Variants in LRRTM4 observed in about 807,000 individuals in gnomAD.
LRRTM4 encodes the protein leucine rich repeat transmembrane neuronal 4.
LRRTM4 carries 25 observed loss-of-function variants against 47.6 expected under a neutral mutation model. That is an observed-to-expected ratio of 0.53 (90% CI 0.38 to 0.73). The LOEUF is 0.73. Ranked by LOEUF, LRRTM4 falls within the 30% of genes least tolerant of loss-of-function variation. The probability of loss-of-function intolerance (pLI) is 0.00; values close to 1 mark genes in which losing one functional copy is unlikely to be tolerated. For synonymous variants in LRRTM4, 311 were observed against 269.5 expected, an observed-to-expected ratio of 1.15 and a Z score of -1.51; for missense variants, 638 against 713.4, an observed-to-expected ratio of 0.89 and a Z score of 1.20.
intron 3 of LRRTM4, among the ~76,000 whole-genome samples, chr2:76,831,331 G>T (rs1193247680): frequency 6.6e-6 from 1 of 152,166 alleles, no homozygotes; most frequent in African/African-American, 2.4e-5. Flanking sequence ...TCATTGGTGT[G>T]TGTGCGTGTG....
At chr2:77,340,743 T>A (rs577061596) in intron 3 of LRRTM4, among the ~76,000 whole-genome samples, 1 of 151,950 alleles carries the variant, frequency 6.6e-6, no homozygotes, top group African/African-American at 2.4e-5. Flanking sequence ...TTGGCCTCCA[T>A]AACTCATGAT....
At chr2:77,007,414 G>T (rs1341568248) in intron 3 of LRRTM4, among the ~76,000 whole-genome samples, 2 of 152,116 alleles carry the variant, frequency 1.3e-5, no homozygotes, top group Non-Finnish European at 2.9e-5. Context: ...TGTAAAATTT[G>T]CTGAGATATA....
intron 3 of LRRTM4, among the ~76,000 whole-genome samples, chr2:77,133,339 CT>C (rs1267158497): frequency 6.6e-6 from 1 of 151,934 alleles, no homozygotes. Flanking sequence ...TTTATTCACT[CT>C]TTTTTTTCCT....
chr2:77,314,574 T>G (rs1243890058), intron 3 of LRRTM4, among the ~76,000 whole-genome samples: 3 of 152,184 alleles, frequency 2.0e-5, no homozygotes, highest in Admixed American at 6.5e-5. Flanking sequence ...TCGGCAGGAT[T>G]ATTTCACTAG....
intron 3 of LRRTM4, among the ~76,000 whole-genome samples, chr2:77,433,986 A>G (rs1675488276): frequency 6.6e-6 from 1 of 152,228 alleles, no homozygotes; most frequent in Admixed American, 6.5e-5. Context: ...ATTTGAGAGC[A>G]GAGGATATCT....
chr2:77,123,099 A>C (rs1421530019), intron 3 of LRRTM4, among the ~76,000 whole-genome samples: 1 of 151,922 alleles, frequency 6.6e-6, no homozygotes, highest in Admixed American at 6.6e-5. Flanking sequence ...TGCCTAAATT[A>C]ATTTCCATAG....
At chr2:76,903,534 T>TCAAAA (rs147085407) in intron 3 of LRRTM4, among the ~76,000 whole-genome samples, 54 of 151,838 alleles carry the variant, frequency 3.6e-4, no homozygotes, top group African/African-American at 1.2e-3. Context: ...AGATTCTGTC[T>TCAAAA]CAAAACAAAA....
intron 3 of LRRTM4, among the ~76,000 whole-genome samples, chr2:76,896,202 G>GCACACACACAAACACA (rs1221433253): frequency 6.6e-6 from 1 of 151,410 alleles, no homozygotes; most frequent in Admixed American, 6.6e-5. Context: ...CATCTCCTAT[G>GCACACACACAAACACA]CACACACACA....
intron 3 of LRRTM4, among the ~76,000 whole-genome samples, chr2:77,192,053 G>T (rs576754129): frequency 6.6e-6 from 1 of 152,132 alleles, no homozygotes; most frequent in South Asian, 2.1e-4. Flanking sequence ...ATATATGTAT[G>T]TAAAGCTACA....
chr2:76,874,267 T>G (rs980777370), intron 3 of LRRTM4, among the ~76,000 whole-genome samples: 10 of 152,010 alleles, frequency 6.6e-5, no homozygotes, highest in African/African-American at 2.4e-4. Flanking sequence ...CATAGTCTTG[T>G]GAAACTTTAC....
intron 3 of LRRTM4, chr2:77,517,616 AAAAC>A (rs962330066): frequency 1.4e-4 from 140 of 985,008 alleles, no homozygotes; most frequent in Admixed American, 2.5e-4. Flanking sequence ...CAGTAATTAA[AAAAC>A]AAACAAACAA....
chr2:77,066,079 CTT>C (rs1236253134), intron 3 of LRRTM4, among the ~76,000 whole-genome samples: 12 of 152,090 alleles, frequency 7.9e-5, no homozygotes, highest in Non-Finnish European at 1.8e-4. Context: ...TGTACTATAA[CTT>C]TTTCTATGGA....
chr2:77,224,648 A>G (rs1021698069), intron 3 of LRRTM4, among the ~76,000 whole-genome samples: 40 of 152,226 alleles, frequency 2.6e-4, no homozygotes, highest in Admixed American at 2.6e-3. Flanking sequence ...AATGCAAATC[A>G]AAACCACAAT....
chr2:77,267,683 A>G (rs976851385), intron 3 of LRRTM4, among the ~76,000 whole-genome samples: 5 of 119,328 alleles, frequency 4.2e-5, no homozygotes, highest in African/African-American at 1.7e-4. Flanking sequence ...TCCTATTTCA[A>G]ACTGTTCTTC....
In LRRTM4 at chr2:77,412,653, G is replaced by C. The variant is rs145094183; in HGVS notation, c.1551+105665C>G. On this transcript the variant is annotated intron_variant, in intron 3 of 3. Coordinates refer to ENST00000409884, the MANE Select transcript of LRRTM4 (RefSeq NM_001134745.3). ...TCTGTAAGTGTAACCCTGGCCACAA[G>C]AGTATTAAGAGGGAAAGTGTGTACA... Among the ~76,000 whole-genome samples, 314 of 152,272 alleles carry C rather than the reference G, an allele frequency of 2.1e-3. 1 individual carries two copies. The highest frequency in any genetic ancestry group is 7.3e-3 in the African/African-American group (302 of 41,548).
At chr2:77,468,154 C>G (rs915493046) in intron 3 of LRRTM4, among the ~76,000 whole-genome samples, 2 of 151,822 alleles carry the variant, frequency 1.3e-5, no homozygotes, top group African/African-American at 4.8e-5. Context: ...TACTTTTTCT[C>G]AAAAAAATAG....
intron 3 of LRRTM4, among the ~76,000 whole-genome samples, chr2:77,155,559 T>TTATA (rs143163545): frequency 6.7e-6 from 1 of 150,112 alleles, no homozygotes; most frequent in Non-Finnish European, 1.5e-5. Context: ...TTGAATAATA[T>TTATA]TATATATATA....
At chr2:76,776,179 C>T (rs1005206003) in intron 3 of LRRTM4, among the ~76,000 whole-genome samples, 13 of 152,140 alleles carry the variant, frequency 8.5e-5, no homozygotes, top group Non-Finnish European at 1.8e-4. Flanking sequence ...TGGGTTGGTT[C>T]CAAGTCTTTG....
At chr2:77,353,382 G>GTA (rs1322229360) in intron 3 of LRRTM4, among the ~76,000 whole-genome samples, 1 of 152,132 alleles carries the variant, frequency 6.6e-6, no homozygotes, top group Non-Finnish European at 1.5e-5. Flanking sequence ...GTTGTGCATT[G>GTA]TATATCTCTT....
Sources: gnomAD v4.1 joint callset for allele counts (sites outside exome capture counted in the v4.1 genomes callset) on GRCh38, gnomAD v4.1.1 for gene constraint, MANE v1.5 for transcripts, NCBI Gene and HGNC (gene_info 2026-07-23, HGNC 2026-07-21) for gene names.